The following TBC1D14 variants were observed in gnomAD, a reference collection of about 807,000 sequenced individuals.
TBC1D14 encodes TBC1 domain family, member 14.
Under a neutral mutation model 79.0 loss-of-function variants are expected in TBC1D14, and 26 were observed. The ratio of observed to expected loss-of-function variants is 0.33; its 90% CI spans 0.24 to 0.46. The LOEUF is 0.46. Among genes scored for constraint, TBC1D14 ranks in the 20% least tolerant of loss-of-function variants. The pLI, the probability that TBC1D14 is intolerant of heterozygous loss-of-function variation, is 1.00. For missense variants in TBC1D14, 769 were observed against 887.6 expected, an observed-to-expected ratio of 0.87 and a Z score of 1.70; for synonymous variants, 394 against 349.9, an observed-to-expected ratio of 1.13 and a Z score of -1.40.
chr4:6,958,814 T>G (rs939259280), intron 2 of TBC1D14, among the ~76,000 whole-genome samples: 4 of 152,090 alleles, frequency 2.6e-5, no homozygotes, highest in Non-Finnish European at 5.9e-5. Context: ...AGCCGGACAC[T>G]CCTCTTGGTT....
At chr4:7,014,608 G>A in intron 12 of TBC1D14, 51 bp downstream of exon 12, 1 of 1,287,546 alleles carries the variant, frequency 7.8e-7, no homozygotes, top group Non-Finnish European at 1.1e-6. Flanking sequence ...GCCCTTGTCT[G>A]TTCTTCACTC....
intron 2 of TBC1D14, among the ~76,000 whole-genome samples, chr4:6,958,050 C>T (rs1017458336): frequency 6.6e-6 from 1 of 151,960 alleles, no homozygotes; most frequent in African/African-American, 2.4e-5. Flanking sequence ...TAACTCAGCC[C>T]TTTAGCCTGG....
Position 6,929,813 on chromosome 4 carries a change from G to A in TBC1D14, c.722+5702G>A, listed in dbSNP as rs750404137. Among the ~76,000 whole-genome samples the A allele has an allele frequency of 3.9e-5, 6 of 152,222 alleles. No homozygotes were observed. The South Asian group carries it at 1.2e-3, about 32-fold the overall frequency. On this transcript the variant is annotated intron_variant, in intron 2 of 13. Transcript: ENST00000409757. ...GAGTTGAGATGAGCAGCTCCCTTTGGAGAATGCAGTTGCCCTGTTCTGAGC... is the reference window on the plus strand; with the variant it reads ...GAGTTGAGATGAGCAGCTCCCTTTGAAGAATGCAGTTGCCCTGTTCTGAGC...
At chr4:6,986,672 T>C (rs1717860081) in intron 3 of TBC1D14, among the ~76,000 whole-genome samples, 1 of 152,190 alleles carries the variant, frequency 6.6e-6, no homozygotes, top group African/African-American at 2.4e-5. Flanking sequence ...TGACCCGACG[T>C]AGTCCTTATG....
chr4:6,926,337 C>T (rs188180095), intron 2 of TBC1D14, among the ~76,000 whole-genome samples: 26 of 152,254 alleles, frequency 1.7e-4, no homozygotes, highest in Admixed American at 9.8e-4. Context: ...TTTCTGCCGC[C>T]GTTGTGATTC....
chr4:6,977,245 C>T (rs1208720959), intron 3 of TBC1D14, among the ~76,000 whole-genome samples: 4 of 147,074 alleles, frequency 2.7e-5, no homozygotes, highest in Non-Finnish European at 4.5e-5. Flanking sequence ...CTCAGCCTGC[C>T]GAGTGCCTGC....
intron 2 of TBC1D14, among the ~76,000 whole-genome samples, chr4:6,955,305 C>A (rs1714521445): frequency 6.6e-6 from 1 of 152,178 alleles, no homozygotes; most frequent in Non-Finnish European, 1.5e-5. Flanking sequence ...GCCTTCTCTA[C>A]CTTTGGTGAA....
intron 1 of TBC1D14, among the ~76,000 whole-genome samples, chr4:6,920,936 G>A (rs746435793): frequency 2.0e-4 from 30 of 152,226 alleles, no homozygotes; most frequent in African/African-American, 4.8e-4. Flanking sequence ...CTGCCACCAC[G>A]TGCAGCTAAT....
Position 7,031,458 on chromosome 4 carries a change from A to G in TBC1D14, c.*1066A>G, listed in dbSNP as rs538655133. On this transcript the variant is annotated 3_prime_UTR_variant, in exon 14 of 14. Coordinates refer to ENST00000409757, the MANE Select transcript of TBC1D14 (RefSeq NM_020773.3). The stretch of plus-strand genomic sequence containing the variant: ...CAACACACGTCTAACAGCCTAGACA[A>G]TCTCGTCAGATGCTCATACTGGACC... 1.3e-4 allele frequency: 20 copies of G among 152,324 alleles called. No homozygotes were observed. The highest frequency in any genetic ancestry group is 4.6e-4 in the African/African-American group (19 of 41,566). The allele number at this position is 152,324 out of a possible 1,614,324, so 9.4% of individuals were successfully genotyped here. A position where few individuals can be genotyped will look rare whatever the true frequency, so the allele number is the denominator to read the frequency against.
intron 1 of TBC1D14, among the ~76,000 whole-genome samples, chr4:6,910,873 G>C (rs1463230592): frequency 2.0e-5 from 3 of 152,156 alleles, no homozygotes; most frequent in South Asian, 2.1e-4. Context: ...GCCCCTACTG[G>C]AGGTCCCTGG....
chr4:6,919,884 A>G (rs530942774), intron 1 of TBC1D14, among the ~76,000 whole-genome samples: 48 of 152,114 alleles, frequency 3.2e-4, no homozygotes, highest in East Asian at 9.8e-4. Flanking sequence ...CTCCCAAAGT[A>G]CTGGGATTAC....
intron 2 of TBC1D14, among the ~76,000 whole-genome samples, chr4:6,952,489 G>A (rs1183143999): frequency 1.3e-5 from 2 of 152,240 alleles, no homozygotes; most frequent in Non-Finnish European, 2.9e-5. Context: ...ACCACTCTCT[G>A]CCAGGCCAGC....
At chr4:6,920,589 C>T (rs1723771417) in intron 1 of TBC1D14, among the ~76,000 whole-genome samples, 1 of 151,048 alleles carries the variant, frequency 6.6e-6, no homozygotes. Flanking sequence ...TGAAAACCTT[C>T]AGCTCCTCTC....
In TBC1D14 at chr4:6,994,221, C is replaced by T. The variant is rs748532301; in HGVS notation, c.881C>T (p.Pro294Leu). Residue 294 changes from proline to leucine, a missense_variant, in exon 4 of 14, where the codon CCC becomes CTC. Coordinates refer to ENST00000409757, the MANE Select transcript of TBC1D14 (RefSeq NM_020773.3). ...AAGGCTGGAAGACCTAGCAAGCCAC[C>T]CTCTCCAAAGCAGAATGTGAGGAAG... ...EDKAGRPSKP[P>L]SPKQNVRKNL... is the part of the protein sequence containing the mutation. 10 of 1,614,198 alleles carry T rather than the reference C, an allele frequency of 6.2e-6. No homozygotes were observed. Among genetic ancestry groups the T allele is most frequent in the Admixed American group, 3.3e-5 (2 of 60,026 alleles).
intron 11 of TBC1D14, among the ~76,000 whole-genome samples, chr4:7,011,786 G>C (rs1013327582): frequency 1.3e-5 from 2 of 151,708 alleles, no homozygotes; most frequent in Admixed American, 6.6e-5. Flanking sequence ...TTGAACTCCT[G>C]ACCTCAAGTG....
chr4:6,977,723 T>A (rs1473673731), intron 3 of TBC1D14, among the ~76,000 whole-genome samples: 5 of 72,802 alleles, frequency 6.9e-5, no homozygotes, highest in African/African-American at 2.4e-4. Flanking sequence ...GAGGAGCGTC[T>A]CTGCCAGGCC....
intron 11 of TBC1D14, among the ~76,000 whole-genome samples, chr4:7,011,720 C>G (rs999852536): frequency 6.6e-6 from 1 of 151,712 alleles, no homozygotes; most frequent in Non-Finnish European, 1.5e-5. Flanking sequence ...CCATGCCAGG[C>G]TAATTTTTTG....
chr4:6,968,694 G>A (rs1715931264), intron 3 of TBC1D14, among the ~76,000 whole-genome samples: 1 of 151,916 alleles, frequency 6.6e-6, no homozygotes, highest in South Asian at 2.1e-4. Flanking sequence ...TGACCGCCGA[G>A]AGGAGGCTGA....
At chr4:6,944,696 C>T (rs1264115915) in intron 2 of TBC1D14, among the ~76,000 whole-genome samples, 1 of 152,228 alleles carries the variant, frequency 6.6e-6, no homozygotes, top group Non-Finnish European at 1.5e-5. Flanking sequence ...ATTAGTCCTC[C>T]CCGGGTCCTC....
Sources: allele counts gnomAD v4.1 joint callset (sites outside exome capture counted in the v4.1 genomes callset), GRCh38; gene constraint gnomAD v4.1.1; transcripts MANE v1.5; gene names NCBI Gene and HGNC (gene_info 2026-07-23, HGNC 2026-07-21).